Variants in STAU1 observed in about 807,000 individuals in gnomAD.
The protein encoded by STAU1 is double-stranded RNA-binding protein Staufen homolog 1.
In STAU1, 13 loss-of-function variants were observed where a neutral mutation model predicts 62.9. The observed-to-expected ratio is 0.21, with a 90% CI of 0.13 to 0.33. The LOEUF (loss-of-function observed/expected upper bound fraction) is 0.33. Ranked by LOEUF, STAU1 falls within the 10% of genes least tolerant of loss-of-function variation. STAU1 has a pLI of 1.00. For missense variants in STAU1, 571 were observed against 712.1 expected (o/e 0.80, Z 2.25); for synonymous variants, 269 against 265.1 (o/e 1.01, Z -0.14).
chr20:49,114,992 A>G (rs2092278377), intron 13 of STAU1, 99 bp from the exon 14 acceptor site: 2 of 1,263,916 alleles, frequency 1.6e-6, no homozygotes, highest in South Asian at 1.3e-5. Flanking sequence ...CAGGAAGTAC[A>G]ATACTAAAAG....
At chr20:49,120,566 G>C (rs75515335) in intron 8 of STAU1, among the ~76,000 whole-genome samples, 2,341 of 152,212 alleles carry the variant, frequency 0.015, 67 homozygotes, top group South Asian at 0.086. Context: ...CAAATGCTAC[G>C]TATCAAAGAT....
At chr20:49,158,484 G>A (rs1484560023) in intron 3 of STAU1, 1 of 1,304,506 alleles carries the variant, frequency 7.7e-7, no homozygotes, top group Non-Finnish European at 1.0e-6. Flanking sequence ...GATTCCCTCA[G>A]TGCACGGCTT....
intron 2 of STAU1, among the ~76,000 whole-genome samples, chr20:49,171,059 C>T (rs1157376899): frequency 2.0e-5 from 3 of 152,206 alleles, no homozygotes; most frequent in African/African-American, 7.2e-5. Context: ...TTCTTAAATG[C>T]TGGAAAGGAT....
chr20:49,181,183 G>C (rs1203441036), intron 1 of STAU1, among the ~76,000 whole-genome samples: 1 of 152,162 alleles, frequency 6.6e-6, no homozygotes, highest in Admixed American at 6.5e-5. Context: ...TTCAAGGAAA[G>C]AGCTAAATGA....
chr20:49,212,615 A>ATTTTTTTTTTTTTTTTTTTTTTTTTTTTT, the STAU1 span, among the ~76,000 whole-genome samples: 71 of 85,164 alleles, frequency 8.3e-4, 12 homozygotes, highest in South Asian at 3.1e-3. Flanking sequence ...AGCTATTGGA[A>ATTTTTTTTTTTTTTTTTTTTTTTTTTTTT]TTTTTTTTTT....
intron 1 of STAU1, among the ~76,000 whole-genome samples, chr20:49,181,828 C>T (rs1338417579): frequency 2.1e-5 from 3 of 143,548 alleles, no homozygotes; most frequent in African/African-American, 7.7e-5. Flanking sequence ...GTTTAACCCT[C>T]AGCAATCATG....
At position 49,117,398 on chromosome 20, in the gene STAU1, C is replaced by A; in HGVS notation, c.1510-150G>T. ...CCATACTAACACCTGCCCTGTCAGCCCAGAACCTTCCAGGAACCTAGGTGT... is the reference window on the plus strand; with the variant it reads ...CCATACTAACACCTGCCCTGTCAGCACAGAACCTTCCAGGAACCTAGGTGT... On this transcript the variant is annotated intron_variant, in intron 11 of 13. Transcript: ENST00000371856. This position sits in a 1 kb window ranked among gnomAD's most constrained non-coding sequence, Gnocchi z 4.6. The A allele has an allele frequency of 1.1e-6, 1 of 919,172 alleles. No individual in the cohort carries two copies. The allele number at this position is 919,172 out of a possible 1,614,324, so 56.9% of individuals were successfully genotyped here. A position where few individuals can be genotyped will look rare whatever the true frequency, so the allele number is the denominator to read the frequency against.
At chr20:49,167,956 AGT>A (rs1363780628) in intron 2 of STAU1, among the ~76,000 whole-genome samples, 5 of 152,188 alleles carry the variant, frequency 3.3e-5, no homozygotes, top group Non-Finnish European at 1.5e-5. Context: ...CTGTGTCCTG[AGT>A]GGCTCTTAGA....
chr20:49,138,287 C>T (rs1048478764), intron 5 of STAU1, among the ~76,000 whole-genome samples: 2 of 151,104 alleles, frequency 1.3e-5, no homozygotes, highest in African/African-American at 4.9e-5. Flanking sequence ...GTCACACCCA[C>T]CAAAAAAAGC....
chr20:49,117,682 A>C lies in STAU1; in HGVS notation c.1509+95T>G. The C allele has an allele frequency of 7.4e-7, 1 of 1,346,542 alleles. No homozygotes were observed. Among genetic ancestry groups the C allele is most frequent in the Non-Finnish European group, 1.0e-6 (1 of 1,000,080 alleles). 83.4% of individuals were successfully genotyped at this position (1,346,542 alleles called of 1,614,324 possible). A position where few individuals can be genotyped will look rare whatever the true frequency, so the allele number is the denominator to read the frequency against. ...CCATCCCTGGACAGAACTTGATTTA[A>C]GAAAAAAGTACAAAGTTCAAAGTTC... On this transcript the variant is annotated intron_variant, in intron 11 of 13. Coordinates refer to ENST00000371856, the MANE Select transcript of STAU1 (RefSeq NM_017453.4). This position sits in a 1 kb window ranked among gnomAD's most constrained non-coding sequence, Gnocchi z 4.6.
At chr20:49,200,580 G>A in the STAU1 span, among the ~76,000 whole-genome samples, 3 of 150,940 alleles carry the variant, frequency 2.0e-5, no homozygotes, top group Admixed American at 1.3e-4. Context: ...CAGCCTGGGC[G>A]ACAGAGCAAG....
At chr20:49,218,464 ATCCGC>A in the STAU1 span, among the ~76,000 whole-genome samples, 1 of 151,928 alleles carries the variant, frequency 6.6e-6, no homozygotes, top group African/African-American at 2.4e-5. Flanking sequence ...TGACCTCGTG[ATCCGC>A]CCGCCTCGGC....
At chr20:49,211,360 T>C in the STAU1 span, among the ~76,000 whole-genome samples, 11 of 150,406 alleles carry the variant, frequency 7.3e-5, no homozygotes, top group East Asian at 1.8e-3. Context: ...CTGGTTCATA[T>C]AGTAATTCTT....
At chr20:49,178,209 C>A (rs182494669) in intron 1 of STAU1, among the ~76,000 whole-genome samples, 1 of 152,258 alleles carries the variant, frequency 6.6e-6, no homozygotes, top group African/African-American at 2.4e-5. Context: ...TTTCCATATG[C>A]AAATCTATTT....
intron 3 of STAU1, among the ~76,000 whole-genome samples, chr20:49,160,344 G>A (rs892840492): frequency 3.3e-5 from 5 of 152,164 alleles, no homozygotes; most frequent in African/African-American, 1.2e-4. Flanking sequence ...TGCGTGTGAA[G>A]GAAAATGAGG....
chr20:49,194,694 T>C, the STAU1 span, among the ~76,000 whole-genome samples: 1 of 152,020 alleles, frequency 6.6e-6, no homozygotes, highest in Non-Finnish European at 1.5e-5. Context: ...TCCTCGTGCC[T>C]CGGCAGCCCA....
At chr20:49,166,803 A>G (rs538528093) in intron 2 of STAU1, among the ~76,000 whole-genome samples, 2 of 152,290 alleles carry the variant, frequency 1.3e-5, no homozygotes, top group East Asian at 1.9e-4. Context: ...AAGGTAGGAT[A>G]CTTCTGCTGT....
At chr20:49,209,931 C>T in the STAU1 span, among the ~76,000 whole-genome samples, 1 of 151,000 alleles carries the variant, frequency 6.6e-6, no homozygotes, top group Non-Finnish European at 1.5e-5. Flanking sequence ...CACCTGTAGC[C>T]CTAGCTACTC....
At chr20:49,206,414 GTTT>G in the STAU1 span, among the ~76,000 whole-genome samples, 8 of 76,598 alleles carry the variant, frequency 1.0e-4, no homozygotes, top group East Asian at 3.8e-4. Context: ...CTTCCTTCTG[GTTT>G]TTTTTTTTTT....
Sources: allele counts gnomAD v4.1 joint callset (sites outside exome capture counted in the v4.1 genomes callset), GRCh38; gene constraint gnomAD v4.1.1; non-coding constraint Gnocchi (gnomAD v3.1); transcripts MANE v1.5; gene names NCBI Gene and HGNC (gene_info 2026-07-23, HGNC 2026-07-21).